Variants in DHRSX observed in about 807,000 individuals in gnomAD.
DHRSX encodes dehydrogenase/reductase X-linked.
DHRSX carries 31 observed loss-of-function variants against 34.0 expected under a neutral mutation model. The ratio of observed to expected loss-of-function variants is 0.91; its 90% CI spans 0.69 to 1.23. The LOEUF is 1.23. Among genes scored for constraint, DHRSX ranks in the 50% most tolerant of loss-of-function variants. DHRSX has a pLI of 0.00. For synonymous variants in DHRSX, 201 were observed against 183.8 expected (o/e 1.09, Z -0.76); for missense variants, 414 against 428.1 (o/e 0.97, Z 0.29).
intron 1 of DHRSX, among the ~76,000 whole-genome samples, chrX:2,462,574 G>T (rs1189259202): frequency 1.3e-5 from 2 of 151,958 alleles, no homozygotes; most frequent in Non-Finnish European, 2.9e-5. Context: ...GACATGCTGG[G>T]TTGGACACAG....
chrX:2,262,916 C>T (rs186856534), intron 5 of DHRSX, among the ~76,000 whole-genome samples: 2,519 of 152,330 alleles, frequency 0.017, 25 homozygotes, highest in Non-Finnish European at 0.029. Context: ...CCCCACGGCC[C>T]TCCCTTCGTT....
chrX:2,304,208 G>GATGGATGGATAA lies in DHRSX; in HGVS notation c.287-12606_287-12605insTTATCCATCCAT, dbSNP rs1569485894. Among the ~76,000 whole-genome samples, 70 of 24,432 alleles carry GATGGATGGATAA rather than the reference G, an allele frequency of 2.9e-3. 1 individual carries two copies. Among genetic ancestry groups the GATGGATGGATAA allele is most frequent in the African/African-American group, 9.5e-3 (62 of 6,494 alleles). The allele number at this position is 24,432 out of a possible 152,430, so 16.0% of individuals were successfully genotyped here. A position where few individuals can be genotyped will look rare whatever the true frequency, so the allele number is the denominator to read the frequency against. On this transcript the variant is annotated intron_variant, in intron 3 of 6. Coordinates refer to ENST00000334651, the MANE Select transcript of DHRSX (RefSeq NM_145177.3). ...GGATGGATGGATGGATGGATAAATG[G>GATGGATGGATAA]ATGGATGGATGGATGGATGGATGGA...
intron 5 of DHRSX, among the ~76,000 whole-genome samples, chrX:2,252,441 G>T (rs1444904746): frequency 2.0e-5 from 3 of 152,180 alleles, no homozygotes; most frequent in African/African-American, 7.2e-5. Context: ...GTTACTAAGT[G>T]CAGAGAGGCA....
chrX:2,257,448 C>T (rs2041294868), intron 5 of DHRSX, among the ~76,000 whole-genome samples: 1 of 152,192 alleles, frequency 6.6e-6, no homozygotes, highest in South Asian at 2.1e-4. Context: ...TGTCCTACCA[C>T]CATCTGGTCA....
At chrX:2,488,488 C>T (rs1210029636) in intron 1 of DHRSX, 40 of 1,127,284 alleles carry the variant, frequency 3.5e-5, no homozygotes, top group Non-Finnish European at 4.8e-5. Flanking sequence ...TCTCACTTCT[C>T]AAATCTCTTT....
At chrX:2,324,405 G>A (rs891931872) in intron 3 of DHRSX, among the ~76,000 whole-genome samples, 5 of 152,090 alleles carry the variant, frequency 3.3e-5, no homozygotes, top group African/African-American at 9.7e-5. Context: ...AGAGCTGCTC[G>A]GGGCCCCCAC....
chrX:2,233,105 G>A (rs2015935153), intron 6 of DHRSX, among the ~76,000 whole-genome samples: 1 of 152,108 alleles, frequency 6.6e-6, no homozygotes, highest in South Asian at 2.1e-4. Flanking sequence ...AGAGACTAGA[G>A]GTGGCCCACG....
At chrX:2,229,440 C>A (rs773542437) in intron 6 of DHRSX, among the ~76,000 whole-genome samples, 1 of 152,192 alleles carries the variant, frequency 6.6e-6, no homozygotes, top group African/African-American at 2.4e-5. Flanking sequence ...ATGTCCCCTG[C>A]CTCTTGCCTC....
At chrX:2,319,233 C>T (rs2042277756) in intron 3 of DHRSX, among the ~76,000 whole-genome samples, 1 of 133,304 alleles carries the variant, frequency 7.5e-6, no homozygotes, top group South Asian at 3.0e-4. Context: ...CTCCCTTCTC[C>T]TCCTCCCCTC....
At chrX:2,289,935 T>C (rs991410271) in intron 4 of DHRSX, among the ~76,000 whole-genome samples, 5 of 152,238 alleles carry the variant, frequency 3.3e-5, no homozygotes, top group Non-Finnish European at 7.3e-5. Flanking sequence ...GATAATACGA[T>C]GTTTCTTACC....
intron 3 of DHRSX, among the ~76,000 whole-genome samples, chrX:2,348,921 T>C (rs2042753157): frequency 1.3e-5 from 2 of 152,036 alleles, no homozygotes; most frequent in Admixed American, 1.3e-4. Context: ...CTCAAACTCC[T>C]GACCTCAGGT....
At chrX:2,299,847 T>C (rs1434988076) in intron 3 of DHRSX, among the ~76,000 whole-genome samples, 1 of 94,590 alleles carries the variant, frequency 1.1e-5, no homozygotes, top group Non-Finnish European at 2.0e-5. Context: ...AGAGCAAGAC[T>C]ATGTCTCAAA....
intron 3 of DHRSX, among the ~76,000 whole-genome samples, chrX:2,377,674 A>G (rs1225609044): frequency 6.6e-6 from 1 of 152,168 alleles, no homozygotes; most frequent in Non-Finnish European, 1.5e-5. Flanking sequence ...GAGCCTCCGC[A>G]AGGGGCACAG....
intron 3 of DHRSX, among the ~76,000 whole-genome samples, chrX:2,403,874 A>T (rs1218874775): frequency 1.1e-4 from 16 of 151,472 alleles, no homozygotes; most frequent in Non-Finnish European, 1.5e-5. Flanking sequence ...AAAAAAAAAA[A>T]TTATTGGTCA....
At chrX:2,368,350 T>G (rs929401898) in intron 3 of DHRSX, among the ~76,000 whole-genome samples, 8 of 152,144 alleles carry the variant, frequency 5.3e-5, no homozygotes, top group Non-Finnish European at 1.0e-4. Flanking sequence ...ATACGTAATT[T>G]ATAACTAATT....
At chrX:2,476,398 C>CAAAA (rs34249061) in intron 1 of DHRSX, among the ~76,000 whole-genome samples, 5 of 102,916 alleles carry the variant, frequency 4.9e-5, no homozygotes, top group Non-Finnish European at 8.2e-5. Context: ...AACTCCATCT[C>CAAAA]AAAAAAAAAA....
chrX:2,479,067 C>G (rs1325638596), intron 1 of DHRSX, among the ~76,000 whole-genome samples: 2 of 152,112 alleles, frequency 1.3e-5, no homozygotes, highest in South Asian at 2.1e-4. Context: ...CGTGTGCACA[C>G]TGAAGATGTT....
Position 2,268,624 on chromosome X carries a change from CAT to C in DHRSX, c.389-1679_389-1678del, listed in dbSNP as rs200323719. ...ATAAATTTGTGCATATTTTCTTTTA[CAT>C]ATGTGTTGTATGCACATGTGCATGA... On this transcript the variant is annotated intron_variant, in intron 4 of 6. Transcript: ENST00000334651. Among the ~76,000 whole-genome samples the C allele has an allele frequency of 8.2e-3, 1,253 of 152,328 alleles. 13 individuals are homozygous for C. The highest frequency in any genetic ancestry group is 0.028 in the African/African-American group (1,172 of 41,568).
chrX:2,236,119 AAAAATAAATAAAT>A (rs1412081904), intron 6 of DHRSX, among the ~76,000 whole-genome samples: 2 of 152,008 alleles, frequency 1.3e-5, no homozygotes, highest in Non-Finnish European at 2.9e-5. Flanking sequence ...CTCAAAGAAA[AAAAATAAATAAAT>A]AAAATAAATA....
Sources: gnomAD v4.1 joint callset for allele counts (sites outside exome capture counted in the v4.1 genomes callset) on GRCh38, gnomAD v4.1.1 for gene constraint, MANE v1.5 for transcripts, NCBI Gene and HGNC (gene_info 2026-07-23, HGNC 2026-07-21) for gene names.